KLC1: variants seen among roughly 807,000 people sequenced by gnomAD.
KLC1 encodes the protein kinesin light chain 1, also known as kinesin 2 60/70kDa.
KLC1 carries 30 observed loss-of-function variants against 84.2 expected under a neutral mutation model. The observed-to-expected ratio is 0.36, with a 90% CI of 0.27 to 0.48. The LOEUF (loss-of-function observed/expected upper bound fraction) is 0.48, where lower values mean the gene tolerates loss of function less well. Among genes scored for constraint, KLC1 ranks in the 20% least tolerant of loss-of-function variants. The pLI is 0.99. For missense variants in KLC1, 499 were observed against 805.4 expected (o/e 0.62, Z 4.60); for synonymous variants, 289 against 293.3 (o/e 0.99, Z 0.15).
At chr14:103,699,019 T>A in intron 15 of KLC1, 1 of 1,582,886 alleles carries the variant, frequency 6.3e-7, no homozygotes, top group Non-Finnish European at 8.6e-7. Flanking sequence ...TCCCAGAACC[T>A]GAGAAACAGG....
At chr14:103,686,166 A>C in intron 13 of KLC1, 1 of 988,912 alleles carries the variant, frequency 1.0e-6, no homozygotes, top group Non-Finnish European at 1.2e-6. Flanking sequence ...CTAATCTTGA[A>C]GTGCTCAGTG....
intron 1 of KLC1, 79 bp from the exon 2 acceptor site, chr14:103,654,485 A>T (rs2078697425): frequency 8.2e-7 from 1 of 1,222,004 alleles, no homozygotes. Flanking sequence ...GTTAATTAAA[A>T]AATTTTCATA....
At chr14:103,647,507 G>A (rs1453133701) in intron 1 of KLC1, among the ~76,000 whole-genome samples, 1 of 152,054 alleles carries the variant, frequency 6.6e-6, no homozygotes, top group Non-Finnish European at 1.5e-5. Context: ...TGGGATTACA[G>A]GGAGAGCCAC....
chr14:103,661,940 A>G (rs2079330314), intron 3 of KLC1, among the ~76,000 whole-genome samples, 176 bp from the exon 4 acceptor site: 1 of 152,172 alleles, frequency 6.6e-6, no homozygotes, highest in African/African-American at 2.4e-5. Flanking sequence ...AAAGCTTTTC[A>G]TTACTCCTGT....
chr14:103,637,899 C>G (rs2077172107), intron 1 of KLC1, among the ~76,000 whole-genome samples: 1 of 152,124 alleles, frequency 6.6e-6, no homozygotes, highest in Non-Finnish European at 1.5e-5. Context: ...TGGCATTGCC[C>G]TGGCTAGTCT....
At chr14:103,680,664 C>T (rs905950514) in intron 13 of KLC1, among the ~76,000 whole-genome samples, 2 of 152,204 alleles carry the variant, frequency 1.3e-5, no homozygotes, top group African/African-American at 4.8e-5. Flanking sequence ...CACTCAACCC[C>T]AGTTGGGCAG....
intron 1 of KLC1, among the ~76,000 whole-genome samples, chr14:103,642,793 A>G (rs1257265194): frequency 2.7e-5 from 4 of 146,208 alleles, no homozygotes; most frequent in African/African-American, 5.1e-5. Context: ...TTTGAGACGG[A>G]GTCTCACTCT....
intron 14 of KLC1, among the ~76,000 whole-genome samples, chr14:103,689,928 C>T (rs530892410): frequency 1.8e-4 from 28 of 152,222 alleles, no homozygotes; most frequent in African/African-American, 6.5e-4. Flanking sequence ...GCCTGTAATC[C>T]CAGCACTTTG....
intron 15 of KLC1, chr14:103,695,118 T>C: frequency 1.0e-6 from 1 of 984,346 alleles, no homozygotes; most frequent in Non-Finnish European, 1.2e-6. Flanking sequence ...ATTTCATAGG[T>C]TCTGTAATAG....
At chr14:103,660,870 T>G (rs1055138751) in intron 3 of KLC1, among the ~76,000 whole-genome samples, 5 of 152,146 alleles carry the variant, frequency 3.3e-5, no homozygotes, top group African/African-American at 1.2e-4. Flanking sequence ...ATGCAAGTAC[T>G]TTGCAGATGT....
intron 1 of KLC1, among the ~76,000 whole-genome samples, chr14:103,650,178 G>A (rs1458310426): frequency 6.6e-6 from 1 of 151,988 alleles, no homozygotes; most frequent in East Asian, 1.9e-4. Flanking sequence ...GGGCCAGATA[G>A]CTTGTGTGTC....
At position 103,657,584 on chromosome 14, in the gene KLC1, G is replaced by A. The variant is rs781375892; in HGVS notation, c.300G>A (p.Glu100=). 5.0e-6 allele frequency: 8 copies of A among 1,614,066 alleles called. No homozygotes were observed. Among genetic ancestry groups the A allele is most frequent in the Non-Finnish European group, 6.8e-6 (8 of 1,180,038 alleles). ...MALSNHLNAV[E]SEKQKLRAQV... ...TGTCAAATCACCTGAATGCTGTGGAGTCCGAGAAGCAGAAACTGCGTGCGC... is the reference window on the plus strand; with the variant it reads ...TGTCAAATCACCTGAATGCTGTGGAATCCGAGAAGCAGAAACTGCGTGCGC... The change falls in exon 3 of 17, where the codon GAG becomes GAA. Residue 100 remains glutamate (E), a synonymous_variant. Coordinates refer to ENST00000334553, the MANE Select transcript of KLC1 (RefSeq NM_001394837.1).
At chr14:103,647,900 T>A (rs1020927206) in intron 1 of KLC1, among the ~76,000 whole-genome samples, 2 of 151,726 alleles carry the variant, frequency 1.3e-5, no homozygotes, top group African/African-American at 4.8e-5. Flanking sequence ...GAATAGCATT[T>A]CCTAATTTCT....
intron 7 of KLC1, 23 bp from the exon 8 acceptor site, chr14:103,672,991 A>C: frequency 1.2e-6 from 2 of 1,610,192 alleles, no homozygotes; most frequent in Non-Finnish European, 1.7e-6. Flanking sequence ...AAGTGTCTCT[A>C]ATATGCTGTT....
At chr14:103,674,419 C>CT (rs71460691) in intron 9 of KLC1, among the ~76,000 whole-genome samples, 85,908 of 146,702 alleles carry the variant, frequency 0.59, 26,238 homozygotes, top group Non-Finnish European at 0.71. Context: ...TGCTTGTTTT[C>CT]TTTTTTTTTT....
At chr14:103,654,526 A>G in intron 1 of KLC1, 38 bp from the exon 2 acceptor site, 1 of 1,537,950 alleles carries the variant, frequency 6.5e-7, no homozygotes, top group Non-Finnish European at 8.8e-7. Context: ...TGAAACCTGT[A>G]ATGAGGGATC....
At position 103,679,476 on chromosome 14, in the gene KLC1, G is replaced by T; in HGVS notation, c.1581G>T (p.Val527=). 6.2e-7 allele frequency: 1 copy of T among 1,614,108 alleles called. No individual in the cohort carries two copies. Among genetic ancestry groups the T allele is most frequent in the Non-Finnish European group, 8.5e-7 (1 of 1,180,012 alleles). Residue 527 remains valine, a synonymous_variant, in exon 13 of 17, where the codon GTG becomes GTT. Coordinates refer to ENST00000334553, the MANE Select transcript of KLC1 (RefSeq NM_001394837.1). The part of the protein sequence containing the change: ...EKRRSRESLN[V]DVVKYESGPD... ...GCAGGAGCCGTGAGAGCCTCAACGT[G>T]GACGTGGTCAAGTACGAGAGTGGCC...
intron 5 of KLC1, among the ~76,000 whole-genome samples, chr14:103,664,671 C>T (rs1167169400): frequency 6.6e-6 from 1 of 151,854 alleles, no homozygotes; most frequent in African/African-American, 2.4e-5. Flanking sequence ...TGCACCACTA[C>T]ACCCAGCTAA....
At chr14:103,679,687 C>T in intron 13 of KLC1, 142 bp downstream of exon 13, 2 of 606,414 alleles carry the variant, frequency 3.3e-6, no homozygotes, top group South Asian at 4.4e-5. Context: ...TTCTTCACTT[C>T]TGCTAATACT....
Sources: allele counts gnomAD v4.1 joint callset (sites outside exome capture counted in the v4.1 genomes callset), GRCh38; gene constraint gnomAD v4.1.1; transcripts MANE v1.5; gene names NCBI Gene and HGNC (gene_info 2026-07-23, HGNC 2026-07-21).